CDS1: variants seen among roughly 807,000 people sequenced by gnomAD.
The protein encoded by CDS1 is phosphatidate cytidylyltransferase 1.
In CDS1, 41 loss-of-function variants were observed where a neutral mutation model predicts 62.1. The ratio of observed to expected loss-of-function variants is 0.66; its 90% CI spans 0.51 to 0.86. CDS1 has a LOEUF of 0.86. CDS1 is among the 40% of genes least tolerant of loss of function. The pLI is 0.00. For synonymous variants in CDS1, 185 were observed against 192.6 expected, an observed-to-expected ratio of 0.96 and a Z score of 0.32; for missense variants, 470 against 550.1, an observed-to-expected ratio of 0.85 and a Z score of 1.46.
chr4:84,619,042 TATAC>T (rs1170218534), intron 4 of CDS1, among the ~76,000 whole-genome samples: 2 of 97,662 alleles, frequency 2.0e-5, no homozygotes, highest in African/African-American at 7.9e-5. Context: ...GTATTAAATT[TATAC>T]ACACACACAC....
intron 10 of CDS1, among the ~76,000 whole-genome samples, chr4:84,642,568 T>C (rs1724418229): frequency 6.6e-6 from 1 of 152,212 alleles, no homozygotes; most frequent in Admixed American, 6.5e-5. Context: ...TTTGTGTTTT[T>C]CCACAGCATT....
intron 1 of CDS1, among the ~76,000 whole-genome samples, chr4:84,601,050 G>A (rs971634618): frequency 6.6e-6 from 1 of 151,740 alleles, no homozygotes; most frequent in African/African-American, 2.4e-5. Flanking sequence ...GTGCATGCCT[G>A]TAGTCCCGGC....
At chr4:84,599,630 G>GTATATATATA (rs543750981) in intron 1 of CDS1, among the ~76,000 whole-genome samples, 2 of 149,938 alleles carry the variant, frequency 1.3e-5, no homozygotes, top group African/African-American at 4.9e-5. Context: ...ACGTGTGTGT[G>GTATATATATA]TATATATATA....
chr4:84,621,232 CTAGT>C (rs1219178576), intron 5 of CDS1, among the ~76,000 whole-genome samples: 4 of 152,138 alleles, frequency 2.6e-5, no homozygotes, highest in Non-Finnish European at 4.4e-5. Context: ...TTAGCTGTTA[CTAGT>C]TATTGTTTTA....
At chr4:84,598,700 G>A (rs753791634) in intron 1 of CDS1, among the ~76,000 whole-genome samples, 6 of 151,908 alleles carry the variant, frequency 3.9e-5, no homozygotes, top group Non-Finnish European at 7.4e-5. Flanking sequence ...TTCTAACTTC[G>A]GGGCTCAAGA....
At chr4:84,626,789 G>C (rs540785877) in intron 5 of CDS1, among the ~76,000 whole-genome samples, 234 of 152,256 alleles carry the variant, frequency 1.5e-3, no homozygotes, top group African/African-American at 5.4e-3. Flanking sequence ...GTGCAGGCCT[G>C]GCATTGAGGG....
At chr4:84,600,252 T>C (rs925736620) in intron 1 of CDS1, among the ~76,000 whole-genome samples, 3 of 152,200 alleles carry the variant, frequency 2.0e-5, no homozygotes, top group African/African-American at 7.2e-5. Context: ...CTTTATGTAT[T>C]CCAGATTACA....
At chr4:84,608,386 G>A (rs138419263) in intron 2 of CDS1, among the ~76,000 whole-genome samples, 1 of 152,136 alleles carries the variant, frequency 6.6e-6, no homozygotes, top group Non-Finnish European at 1.5e-5. Flanking sequence ...GTGTTAGCCA[G>A]GATGGTCTCG....
intron 3 of CDS1, among the ~76,000 whole-genome samples, chr4:84,612,102 A>G (rs1336949712): frequency 1.3e-5 from 2 of 150,960 alleles, no homozygotes; most frequent in Non-Finnish European, 3.0e-5. Context: ...GCAAAGGTCC[A>G]AGTGGCTAGA....
chr4:84,583,848 A>G (rs534125814), intron 1 of CDS1, among the ~76,000 whole-genome samples: 15 of 152,182 alleles, frequency 9.9e-5, no homozygotes, highest in Non-Finnish European at 1.3e-4. Context: ...CTGTCCTCCT[A>G]GGGGCTGCAG....
chr4:84,599,190 T>C (rs1199347766), intron 1 of CDS1, among the ~76,000 whole-genome samples: 3 of 151,944 alleles, frequency 2.0e-5, no homozygotes, highest in Non-Finnish European at 2.9e-5. Flanking sequence ...CCTCCCGTGG[T>C]GGAGAGATTA....
rs1724518938 is a variant in CDS1 at position 84,645,145 on chromosome 4, G to T, written c.1153-77G>T. The T allele has an allele frequency of 2.6e-5, 24 of 920,684 alleles. No homozygotes were observed. The South Asian group carries it at 3.1e-4, about 12-fold the overall frequency. 57.0% of individuals were successfully genotyped at this position (920,684 alleles called of 1,614,324 possible). ...ATTTTCGTTAGAGTGAGTCCATGAC[G>T]CCAAAGAGACACAGATAGGAATTTT... On this transcript the variant is annotated intron_variant, in intron 11 of 12. Coordinates refer to ENST00000295887, the MANE Select transcript of CDS1 (RefSeq NM_001263.4).
In CDS1 at chr4:84,612,829, A is replaced by G. The variant is rs530667851; in HGVS notation, c.342+3304A>G. Among the ~76,000 whole-genome samples the G allele has an allele frequency of 1.6e-4, 24 of 152,086 alleles. No individual in the cohort carries two copies. In the South Asian group the frequency reaches 4.8e-3, roughly 30 times the overall value. ...ATGGTGAAACCTCGTCTCTTTTAAA[A>G]ATACAAAAATTAGCCGGGTGGTAGA... On this transcript the variant is annotated intron_variant, in intron 3 of 12. Coordinates refer to ENST00000295887, the MANE Select transcript of CDS1 (RefSeq NM_001263.4).
intron 1 of CDS1, among the ~76,000 whole-genome samples, chr4:84,592,365 G>A (rs1177523131): frequency 2.0e-5 from 3 of 151,728 alleles, no homozygotes; most frequent in African/African-American, 7.3e-5. Context: ...TAGAGATGGG[G>A]TTTCACCATG....
At chr4:84,606,904 C>T (rs534005852) in intron 2 of CDS1, among the ~76,000 whole-genome samples, 16 of 152,240 alleles carry the variant, frequency 1.1e-4, no homozygotes, top group Admixed American at 6.5e-4. Flanking sequence ...CTTTATTTAC[C>T]TCTGACTAGA....
At chr4:84,605,088 A>C (rs1723052939) in intron 2 of CDS1, among the ~76,000 whole-genome samples, 1 of 152,242 alleles carries the variant, frequency 6.6e-6, no homozygotes, top group African/African-American at 2.4e-5. Context: ...AATTTATAAA[A>C]GCAAAGTAAA....
intron 4 of CDS1, 57 bp downstream of exon 4, chr4:84,617,718 G>A: frequency 1.2e-6 from 1 of 839,600 alleles, no homozygotes; most frequent in Non-Finnish European, 1.9e-6. Context: ...AGTTTGTAAA[G>A]GAAGCGTCTT....
At chr4:84,646,691 A>G (rs912829328) in intron 12 of CDS1, among the ~76,000 whole-genome samples, 1 of 152,200 alleles carries the variant, frequency 6.6e-6, no homozygotes, top group Non-Finnish European at 1.5e-5. Context: ...TCTGTGGTAC[A>G]GCATGTTATC....
At chr4:84,622,695 A>C (rs2148650422) in intron 5 of CDS1, among the ~76,000 whole-genome samples, 1 of 152,344 alleles carries the variant, frequency 6.6e-6, no homozygotes, top group South Asian at 2.1e-4. Flanking sequence ...GAATTTCAAA[A>C]GAATTATGAT....
Sources: allele counts gnomAD v4.1 joint callset (sites outside exome capture counted in the v4.1 genomes callset), GRCh38; gene constraint gnomAD v4.1.1; transcripts MANE v1.5; gene names NCBI Gene and HGNC (gene_info 2026-07-23, HGNC 2026-07-21).